Variants in COL27A1 observed in about 807,000 individuals in gnomAD.
COL27A1 encodes collagen alpha-1(XXVII) chain.
Under a neutral mutation model 251.3 loss-of-function variants are expected in COL27A1, and 106 were observed. The ratio of observed to expected loss-of-function variants is 0.42; its 90% CI spans 0.36 to 0.50. The LOEUF is 0.50. Among genes scored for constraint, COL27A1 ranks in the 20% least tolerant of loss-of-function variants. The pLI is 0.00. For synonymous variants in COL27A1, 1,000 were observed against 986.3 expected (o/e 1.01, Z -0.26); for missense variants, 2,325 against 2,522.8 (o/e 0.92, Z 1.68).
At chr9:114,278,857 G>A (rs1360236217) in intron 37 of COL27A1, among the ~76,000 whole-genome samples, 2 of 152,058 alleles carry the variant, frequency 1.3e-5, no homozygotes, top group Non-Finnish European at 2.9e-5. Context: ...CCTGGAAACA[G>A]TTGAGTATTT....
intron 7 of COL27A1, among the ~76,000 whole-genome samples, chr9:114,197,821 C>T (rs2135260197): frequency 6.6e-6 from 1 of 152,360 alleles, no homozygotes. Context: ...TAGACATGCA[C>T]AGAAGAGTTT....
At chr9:114,193,334 G>C (rs886820323) in intron 5 of COL27A1, among the ~76,000 whole-genome samples, 4 of 152,212 alleles carry the variant, frequency 2.6e-5, no homozygotes, top group African/African-American at 9.6e-5. Flanking sequence ...TGGTGAACCT[G>C]TGGGCCCTTT....
At chr9:114,182,687 C>T (rs1484254725) in intron 4 of COL27A1, among the ~76,000 whole-genome samples, 1 of 152,158 alleles carries the variant, frequency 6.6e-6, no homozygotes, top group Admixed American at 6.5e-5. Context: ...AGGTCAAGGT[C>T]CAGCTCTGCC....
Position 114,222,276 on chromosome 9 carries a change from A to G in COL27A1, c.2466+9A>G, listed in dbSNP as rs1831165983. 1.9e-6 allele frequency: 3 copies of G among 1,611,914 alleles called. No individual in the cohort carries two copies. Among genetic ancestry groups the G allele is most frequent in the Non-Finnish European group, 2.5e-6 (3 of 1,178,330 alleles). On this transcript the variant is annotated intron_variant, in intron 14 of 60. Transcript: ENST00000356083. Reference sequence around the variant, plus strand: ...GAGTCCCCGGCCTCATTGTAAGTACATTGATGCCTGGGGCAGCAGGTGGGT... The same window carrying G: ...GAGTCCCCGGCCTCATTGTAAGTACGTTGATGCCTGGGGCAGCAGGTGGGT...
chr9:114,259,463 T>C (rs1224434896), intron 28 of COL27A1, among the ~76,000 whole-genome samples: 1 of 148,098 alleles, frequency 6.8e-6, no homozygotes, highest in African/African-American at 2.5e-5. Context: ...ATTTTATTAT[T>C]ATTTTATTAT....
rs1827686666 is a variant in COL27A1 at position 114,288,684 on chromosome 9, G to A, written c.4045-18G>A. The A allele has an allele frequency of 6.2e-7, 1 of 1,604,106 alleles. No individual in the cohort carries two copies. The highest frequency in any genetic ancestry group is 1.3e-5 in the African/African-American group (1 of 74,818). ...GGCACCTGGTGGCCCAAATTTTGCT[G>A]TTGTCTTTGTCATTCAGGGCCCTGT... On this transcript the variant is annotated intron_variant, in intron 42 of 60. Transcript: ENST00000356083.
At chr9:114,243,365 A>T (rs2135488397) in intron 22 of COL27A1, 142 bp from the exon 23 acceptor site, 14 of 678,832 alleles carry the variant, frequency 2.1e-5, no homozygotes, top group South Asian at 2.0e-4. Context: ...CACCTGGTGG[A>T]CTCAGGGTTA....
chr9:114,245,924 G>A lies in COL27A1; in HGVS notation c.2979+14G>A, dbSNP rs375598705. ...GTGGGAGAGCAGGTTAGTTAGCAAC[G>A]GTCTCTGAATGAGTGGCTCCATTTA... On this transcript the variant is annotated intron_variant, in intron 24 of 60. Coordinates refer to ENST00000356083, the MANE Select transcript of COL27A1 (RefSeq NM_032888.4). The A allele has an allele frequency of 7.6e-5, 122 of 1,611,872 alleles. No individual in the cohort carries two copies. Among genetic ancestry groups the A allele is most frequent in the African/African-American group, 5.9e-4 (44 of 74,922 alleles).
chr9:114,265,340 C>T (rs781468518), intron 31 of COL27A1, 82 bp from the exon 32 acceptor site: 3 of 1,451,524 alleles, frequency 2.1e-6, no homozygotes, highest in Admixed American at 1.8e-5. Context: ...GACCCAAATA[C>T]ACTAGGATGG....
rs1199203040 is a variant in COL27A1 at position 114,282,507 on chromosome 9, C to T, written c.3822C>T (p.Asp1274=). The T allele has an allele frequency of 2.5e-6, 4 of 1,576,554 alleles. No homozygotes were observed. Among genetic ancestry groups the T allele is most frequent in the South Asian group, 1.2e-5 (1 of 86,090 alleles). Residue 1274 remains aspartate (D), a synonymous_variant, in exon 39 of 61, where the codon GAC becomes GAT. Coordinates refer to ENST00000356083, the MANE Select transcript of COL27A1 (RefSeq NM_032888.4). The part of the protein sequence containing the change: ...GQLGEMGVPG[D]PGPPGTPGPK... ...TGGGTGAGATGGGCGTCCCTGGAGA[C>T]CCTGGACCCCCTGGCACTCCAGGCC...
In COL27A1 at chr9:114,168,267, C is replaced by T; in HGVS notation, c.712C>T (p.Gln238Ter). The change falls in exon 3 of 61, where the codon CAG becomes TAG. Residue 238 changes from glutamine to a stop codon, truncating the protein, a stop_gained. Transcript: ENST00000356083. LOFTEE classifies it high-confidence loss of function. ...TACCCACCTGAGGAAGCAGTGTGGA[C>T]AGGCTGACACGTACCAGTCCCCACT... Reference protein sequence around the residue: ...YCTHLRKQCGQADTYQSPLGP... With the variant: ...YCTHLRKQCG 6.2e-7 allele frequency: 1 copy of T among 1,613,874 alleles called. No individual in the cohort carries two copies. Among genetic ancestry groups the T allele is most frequent in the Non-Finnish European group, 8.5e-7 (1 of 1,180,026 alleles).
intron 27 of COL27A1, among the ~76,000 whole-genome samples, chr9:114,253,896 G>C (rs1432908498): frequency 1.3e-5 from 2 of 152,124 alleles, no homozygotes; most frequent in Admixed American, 6.5e-5. Flanking sequence ...TCAGGAGCTG[G>C]GTGAAGGGGC....
intron 1 of COL27A1, among the ~76,000 whole-genome samples, chr9:114,159,026 T>C (rs1374420665): frequency 6.6e-6 from 1 of 152,230 alleles, no homozygotes; most frequent in Non-Finnish European, 1.5e-5. Context: ...AATGGCCTTC[T>C]TCCACTCTGA....
chr9:114,155,924 C>A lies in COL27A1; in HGVS notation c.-27C>A. ...GGCGCGCCCACACTTGCCCCCCGGGCTCGGGAGCATGAAGTAGGGGCCTGC... is the reference window on the plus strand; with the variant it reads ...GGCGCGCCCACACTTGCCCCCCGGGATCGGGAGCATGAAGTAGGGGCCTGC... On this transcript the variant is annotated 5_prime_UTR_variant, in exon 1 of 61. Transcript: ENST00000356083. The surrounding 1 kb of genome is among the most constrained non-coding windows in gnomAD (Gnocchi z 5.5). 8.1e-7 allele frequency: 1 copy of A among 1,230,472 alleles called. No homozygotes were observed. Among genetic ancestry groups the A allele is most frequent in the East Asian group, 3.1e-5 (1 of 31,878 alleles). 76.2% of individuals were successfully genotyped at this position (1,230,472 alleles called of 1,614,324 possible). A position where few individuals can be genotyped will look rare whatever the true frequency, so the allele number is the denominator to read the frequency against.
At chr9:114,268,349 G>T (rs554603156) in intron 34 of COL27A1, among the ~76,000 whole-genome samples, 2 of 152,104 alleles carry the variant, frequency 1.3e-5, no homozygotes, top group Non-Finnish European at 2.9e-5. Context: ...GCAGGGCTGG[G>T]GGCTCAGAGC....
rs781220139 is a variant in COL27A1, at chr9:114,310,766, G to A, written c.*71G>A. The stretch of plus-strand genomic sequence containing the variant: ...GAAGAGGCAAGGGGAGGGTACTGAG[G>A]GGCAGATGGCTCCAGGAGAGGCAGC... On this transcript the variant is annotated 3_prime_UTR_variant, in exon 61 of 61. Coordinates refer to ENST00000356083, the MANE Select transcript of COL27A1 (RefSeq NM_032888.4). 6.5e-7 allele frequency: 1 copy of A among 1,549,822 alleles called. No individual in the cohort carries two copies. Among genetic ancestry groups the A allele is most frequent in the Non-Finnish European group, 8.8e-7 (1 of 1,131,584 alleles).
intron 41 of COL27A1, 137 bp from the exon 42 acceptor site, chr9:114,288,318 T>C: frequency 2.2e-6 from 2 of 890,610 alleles, no homozygotes; most frequent in East Asian, 2.6e-5. Context: ...ACACCTACCC[T>C]TCCCTCTCTA....
chr9:114,252,565 C>G (rs766264603), intron 25 of COL27A1, 28 bp from the exon 26 acceptor site: 1 of 1,611,644 alleles, frequency 6.2e-7, no homozygotes, highest in South Asian at 1.1e-5. Context: ...ATAGCCGTGA[C>G]CTGCCTGCAT....
At chr9:114,194,264 G>T in intron 5 of COL27A1, 140 bp from the exon 6 acceptor site, 1 of 795,370 alleles carries the variant, frequency 1.3e-6, no homozygotes, top group South Asian at 1.4e-5. Context: ...AATTGGAGAA[G>T]ACCCTCTGGA....
Sources: allele counts gnomAD v4.1 joint callset (sites outside exome capture counted in the v4.1 genomes callset), GRCh38; gene constraint gnomAD v4.1.1; non-coding constraint Gnocchi (gnomAD v3.1); transcripts MANE v1.5; gene names NCBI Gene and HGNC (gene_info 2026-07-23, HGNC 2026-07-21).